Variants in CACNA1C observed in about 807,000 individuals in gnomAD.
The protein encoded by CACNA1C is voltage-dependent L-type calcium channel subunit alpha-1C.
CACNA1C carries 30 observed loss-of-function variants against 229.0 expected under a neutral mutation model. That is an observed-to-expected ratio of 0.13 (90% CI 0.10 to 0.18). CACNA1C has a LOEUF of 0.18. Ranked by LOEUF, CACNA1C falls within the 10% of genes least tolerant of loss-of-function variation. The probability of loss-of-function intolerance (pLI) is 1.00; values close to 1 mark genes in which losing one functional copy is unlikely to be tolerated. For synonymous variants in CACNA1C, 1,114 were observed against 1,132.5 expected, an observed-to-expected ratio of 0.98 and a Z score of 0.33; for missense variants, 1,658 against 2,845.0, an observed-to-expected ratio of 0.58 and a Z score of 9.49.
intron 3 of CACNA1C, among the ~76,000 whole-genome samples, chr12:2,341,968 C>T (rs762694386): frequency 4.6e-5 from 7 of 152,150 alleles, no homozygotes; most frequent in Non-Finnish European, 1.0e-4. Context: ...GAGTGTTAAC[C>T]CCATGCTGCT....
At chr12:2,273,131 T>G (rs1314216523) in intron 3 of CACNA1C, among the ~76,000 whole-genome samples, 1 of 152,198 alleles carries the variant, frequency 6.6e-6, no homozygotes, top group Non-Finnish European at 1.5e-5. Flanking sequence ...ACCAAAATCC[T>G]TAGGTACTCA....
At chr12:2,261,074 C>CA (rs1274089366) in intron 3 of CACNA1C, among the ~76,000 whole-genome samples, 6 of 151,786 alleles carry the variant, frequency 4.0e-5, no homozygotes, top group African/African-American at 9.7e-5. Context: ...ACTAAAAATA[C>CA]AAAAAAATTT....
chr12:2,243,655 A>G (rs1345008444), intron 3 of CACNA1C, among the ~76,000 whole-genome samples: 1 of 152,192 alleles, frequency 6.6e-6, no homozygotes, highest in Non-Finnish European at 1.5e-5. Flanking sequence ...TTCTTTACCT[A>G]TATAATGGGA....
Position 2,610,588 on chromosome 12 carries a change from C to T in CACNA1C, c.3606C>T (p.Tyr1202=), listed in dbSNP as rs895560697. ...YALKARPLRR[Y]IPKNQHQYKV... ...TCAAGGCCCGGCCCCTGCGGAGGTA[C>T]ATCCCCAAGAACCAGCACCAGTACA... Residue 1202 remains tyrosine, a synonymous_variant, in exon 28 of 47, where the codon TAC becomes TAT. Transcript: ENST00000399655. 1.2e-6 allele frequency: 2 copies of T among 1,613,980 alleles called. No individual in the cohort carries two copies. Among genetic ancestry groups the T allele is most frequent in the Non-Finnish European group, 8.5e-7 (1 of 1,179,958 alleles).
rs2099567874 is a variant in CACNA1C at position 2,467,713 on chromosome 12, C to G, written c.757+10007C>G. Among the ~76,000 whole-genome samples, 1 of 152,232 alleles carries G rather than the reference C, an allele frequency of 6.6e-6. No homozygotes were observed. On this transcript the variant is annotated intron_variant, in intron 5 of 46. Transcript: ENST00000399655. This position sits in a 1 kb window ranked among gnomAD's most constrained non-coding sequence, Gnocchi z 4.6. ...AGCACCTGCCAGGCCCACCCTCTCC[C>G]CCGGTGTCTCCTGATCTCCCAGTGT...
chr12:2,596,852 C>T (rs1292271227), intron 20 of CACNA1C, among the ~76,000 whole-genome samples: 2 of 152,126 alleles, frequency 1.3e-5, no homozygotes. Context: ...AAAGACAAAC[C>T]CCATTCTCTG....
chr12:2,357,144 G>A (rs567575358), intron 3 of CACNA1C, among the ~76,000 whole-genome samples: 2 of 152,326 alleles, frequency 1.3e-5, no homozygotes, highest in African/African-American at 4.8e-5. Context: ...GACAAGATTA[G>A]AAGTGAGGCT....
chr12:2,330,671 C>T (rs992381550), intron 3 of CACNA1C, among the ~76,000 whole-genome samples: 1 of 152,162 alleles, frequency 6.6e-6, no homozygotes, highest in East Asian at 1.9e-4. Context: ...CTTTATAAAG[C>T]CCACTTGGCC....
chr12:2,207,591 C>G (rs544461800), intron 3 of CACNA1C, among the ~76,000 whole-genome samples: 1 of 152,270 alleles, frequency 6.6e-6, no homozygotes, highest in Middle Eastern at 3.4e-3. Flanking sequence ...GGGAGGCTCA[C>G]TTGAGCTCAG....
chr12:2,354,061 C>T lies in CACNA1C; in HGVS notation c.478-94915C>T, dbSNP rs537064253. ...CTGCCCAGCGACCACTGCAGGGTCC[C>T]GGGAGCTGGGTGAAAGTGGCAGAGC... is the stretch of plus-strand genomic sequence containing the variant. On this transcript the variant is annotated intron_variant, in intron 3 of 46. Transcript: ENST00000399655. The surrounding 1 kb of genome is among the most constrained non-coding windows in gnomAD (Gnocchi z 4.6). Among the ~76,000 whole-genome samples, 67 of 152,246 alleles carry T rather than the reference C, an allele frequency of 4.4e-4. No homozygotes were observed. The highest frequency in any genetic ancestry group is 3.4e-3 in the Middle Eastern group (1 of 294).
intron 1 of CACNA1C, among the ~76,000 whole-genome samples, chr12:2,069,917 A>C (rs2060607065): frequency 6.6e-6 from 1 of 152,128 alleles, no homozygotes. Flanking sequence ...TCCTGGACTC[A>C]AGCAATCCTC....
chr12:2,430,972 G>A (rs2099077466), intron 3 of CACNA1C, among the ~76,000 whole-genome samples: 1 of 152,174 alleles, frequency 6.6e-6, no homozygotes, highest in South Asian at 2.1e-4. Flanking sequence ...TTCAGGCAAA[G>A]CTTCTGTCTC....
chr12:2,372,742 C>A (rs2097905090), intron 3 of CACNA1C, among the ~76,000 whole-genome samples: 2 of 152,374 alleles, frequency 1.3e-5, no homozygotes, highest in Non-Finnish European at 2.9e-5. Context: ...GCCCATCCAT[C>A]CGTTAGCCTG....
intron 3 of CACNA1C, among the ~76,000 whole-genome samples, chr12:2,245,075 G>A (rs766545548): frequency 6.6e-6 from 1 of 152,208 alleles, no homozygotes; most frequent in Non-Finnish European, 1.5e-5. Flanking sequence ...GTCTAGGAAA[G>A]TGCAAAAGAG....
At chr12:2,073,252 A>T (rs1565515146) in intron 1 of CACNA1C, among the ~76,000 whole-genome samples, 2 of 152,208 alleles carry the variant, frequency 1.3e-5, no homozygotes, top group Non-Finnish European at 2.9e-5. Context: ...CAAATACAGG[A>T]TGAAACATGA....
intron 3 of CACNA1C, among the ~76,000 whole-genome samples, chr12:2,241,815 C>T (rs762700894): frequency 6.6e-6 from 1 of 152,236 alleles, no homozygotes; most frequent in African/African-American, 2.4e-5. Flanking sequence ...TGATCCCCTG[C>T]TGTATTCCCA....
rs543128364 is a variant in CACNA1C at position 2,394,634 on chromosome 12, G to A, written c.478-54342G>A. Among the ~76,000 whole-genome samples, 5 of 152,218 alleles carry A rather than the reference G, an allele frequency of 3.3e-5. No homozygotes were observed. In the South Asian group the frequency reaches 1.0e-3, roughly 32 times the overall value. On this transcript the variant is annotated intron_variant, in intron 3 of 46. Coordinates refer to ENST00000399655, the MANE Select transcript of CACNA1C (RefSeq NM_000719.7). Reference sequence around the variant, plus strand: ...GCCTCCTCTCTGGGCCCATCCAAAGGGGTCTTCAGAAGTGCATTGGTGACA... The same window carrying A: ...GCCTCCTCTCTGGGCCCATCCAAAGAGGTCTTCAGAAGTGCATTGGTGACA...
chr12:2,538,520 C>T (rs769437925), intron 9 of CACNA1C, among the ~76,000 whole-genome samples: 16 of 152,100 alleles, frequency 1.1e-4, no homozygotes, highest in Non-Finnish European at 1.6e-4. Flanking sequence ...CATTCCTTTC[C>T]TTTCTTTTCC....
intron 1 of CACNA1C, among the ~76,000 whole-genome samples, chr12:2,016,673 G>T (rs776414587): frequency 1.3e-5 from 2 of 152,080 alleles, no homozygotes; most frequent in Admixed American, 6.6e-5. Context: ...CAGGTGATCC[G>T]CTCCTCTCAG....
Sources: allele counts gnomAD v4.1 joint callset (sites outside exome capture counted in the v4.1 genomes callset), GRCh38; gene constraint gnomAD v4.1.1; non-coding constraint Gnocchi (gnomAD v3.1); transcripts MANE v1.5; gene names NCBI Gene and HGNC (gene_info 2026-07-23, HGNC 2026-07-21).